FOXN3: variants seen among roughly 807,000 people sequenced by gnomAD.
The protein encoded by FOXN3 is forkhead box protein N3.
In FOXN3, 7 loss-of-function variants were observed where a neutral mutation model predicts 38.4. The observed-to-expected ratio is 0.18, with a 90% CI of 0.10 to 0.34. The LOEUF is 0.34. Among genes scored for constraint, FOXN3 ranks in the 10% least tolerant of loss-of-function variants. The pLI is 1.00. For missense variants in FOXN3, 456 were observed against 613.4 expected (o/e 0.74, Z 2.71); for synonymous variants, 230 against 242.2 (o/e 0.95, Z 0.47).
At chr14:89,561,166 C>A (rs1035545581) in intron 1 of FOXN3, among the ~76,000 whole-genome samples, 3 of 152,162 alleles carry the variant, frequency 2.0e-5, no homozygotes, top group Non-Finnish European at 4.4e-5. Context: ...TGAGGCCCCA[C>A]GGTGGCCTCG....
At chr14:89,252,343 T>C (rs949301819) in intron 4 of FOXN3, among the ~76,000 whole-genome samples, 7 of 152,120 alleles carry the variant, frequency 4.6e-5, no homozygotes, top group African/African-American at 1.7e-4. Flanking sequence ...AAAATTCGAA[T>C]TCATTGCAGT....
chr14:89,435,441 T>C (rs1450779151), intron 1 of FOXN3, among the ~76,000 whole-genome samples: 1 of 150,018 alleles, frequency 6.7e-6, no homozygotes, highest in Non-Finnish European at 1.5e-5. Context: ...CCAAGCTGTA[T>C]ACATGAGAGA....
At chr14:89,587,903 A>G (rs1376615846) in intron 1 of FOXN3, among the ~76,000 whole-genome samples, 1 of 151,202 alleles carries the variant, frequency 6.6e-6, no homozygotes, top group Admixed American at 6.6e-5. Context: ...CAGGAATCAT[A>G]ATTTTGGGTA....
chr14:89,278,377 C>CCCAT (rs2139913874), intron 4 of FOXN3, among the ~76,000 whole-genome samples: 1 of 152,162 alleles, frequency 6.6e-6, no homozygotes, highest in East Asian at 1.9e-4. Context: ...AGCTACAATT[C>CCCAT]AAGATGAGAT....
intron 5 of FOXN3, among the ~76,000 whole-genome samples, chr14:89,165,601 A>G (rs1887220767): frequency 6.6e-6 from 1 of 152,190 alleles, no homozygotes; most frequent in Non-Finnish European, 1.5e-5. Flanking sequence ...TTTTCTGCAG[A>G]CTTCCTATTT....
At chr14:89,174,874 C>G (rs1454223868) in intron 5 of FOXN3, among the ~76,000 whole-genome samples, 2 of 152,126 alleles carry the variant, frequency 1.3e-5, no homozygotes, top group Non-Finnish European at 2.9e-5. Flanking sequence ...TTTGTAATTG[C>G]CTTCAAAGAC....
intron 1 of FOXN3, among the ~76,000 whole-genome samples, chr14:89,606,243 T>G (rs1202833381): frequency 6.6e-6 from 1 of 152,170 alleles, no homozygotes; most frequent in Admixed American, 6.5e-5. Flanking sequence ...TAAAATAAGT[T>G]GAATTAGTAG....
rs576960751 is a variant in FOXN3 at position 89,592,123 on chromosome 14, C to T, written c.-15+26905G>A. Among the ~76,000 whole-genome samples, 3 of 151,956 alleles carry T rather than the reference C, an allele frequency of 2.0e-5. No individual in the cohort carries two copies. The South Asian group carries it at 6.2e-4, about 32-fold the overall frequency. Reference sequence around the variant, plus strand: ...AAAACATATGAAGGAAAAAGAATTCCATAGATGATTTGAAATTAAAGTGAT... The same window carrying T: ...AAAACATATGAAGGAAAAAGAATTCTATAGATGATTTGAAATTAAAGTGAT... On this transcript the variant is annotated intron_variant, in intron 1 of 6. Coordinates refer to the FOXN3 transcript ENST00000345097.
At chr14:89,354,543 TAAAA>T in intron 2 of FOXN3, among the ~76,000 whole-genome samples, 1 of 121,600 alleles carries the variant, frequency 8.2e-6, no homozygotes, top group South Asian at 2.9e-4. Flanking sequence ...TGCTTTTTAT[TAAAA>T]AAAAAAAAAA....
chr14:89,604,474 C>A (rs540772185), intron 1 of FOXN3, among the ~76,000 whole-genome samples: 1 of 152,252 alleles, frequency 6.6e-6, no homozygotes. Context: ...AGGGAAAAAA[C>A]TGAGTAAATT....
At chr14:89,239,030 G>A (rs2139863977) in intron 4 of FOXN3, among the ~76,000 whole-genome samples, 1 of 152,282 alleles carries the variant, frequency 6.6e-6, no homozygotes, top group Non-Finnish European at 1.5e-5. Context: ...AAAAGAGACT[G>A]CGAATGATCA....
chr14:89,501,983 T>C (rs560573290), intron 1 of FOXN3, among the ~76,000 whole-genome samples: 1 of 151,908 alleles, frequency 6.6e-6, no homozygotes, highest in Non-Finnish European at 1.5e-5. Flanking sequence ...CTGACCAACA[T>C]GGCGAAACCC....
chr14:89,347,936 G>C (rs960564250), intron 3 of FOXN3, among the ~76,000 whole-genome samples: 2 of 147,452 alleles, frequency 1.4e-5, no homozygotes, highest in Admixed American at 1.3e-4. Flanking sequence ...CCTGGAGAGA[G>C]AGCAAGACTC....
chr14:89,557,516 G>GCC (rs1030720637), intron 1 of FOXN3, among the ~76,000 whole-genome samples: 6 of 152,124 alleles, frequency 3.9e-5, no homozygotes, highest in Non-Finnish European at 8.8e-5. Flanking sequence ...CAGCCAGCCA[G>GCC]CCCCAGGAGC....
intron 1 of FOXN3, among the ~76,000 whole-genome samples, chr14:89,537,330 C>G (rs1894709226): frequency 6.6e-6 from 1 of 151,382 alleles, no homozygotes; most frequent in African/African-American, 2.4e-5. Flanking sequence ...CATGGAATGA[C>G]TGATGGATGC....
At chr14:89,475,187 A>C (rs1353072971) in intron 1 of FOXN3, among the ~76,000 whole-genome samples, 1 of 152,238 alleles carries the variant, frequency 6.6e-6, no homozygotes, top group East Asian at 1.9e-4. Flanking sequence ...ATTTATACAC[A>C]CCCATATATA....
At chr14:89,419,133 TTTC>T, upstream of FOXN3, 1 of 456,088 alleles carries the variant, frequency 2.2e-6, no homozygotes, top group South Asian at 1.5e-5. Flanking sequence ...CTCAAACATA[TTTC>T]TTAATTTCTC....
At position 89,304,684 on chromosome 14, in the gene FOXN3, T is replaced by C. The variant is rs562020635; in HGVS notation, c.681-23670A>G. Among the ~76,000 whole-genome samples the C allele has an allele frequency of 1.4e-4, 22 of 151,972 alleles. No homozygotes were observed. In the South Asian group the frequency reaches 4.0e-3, roughly 27 times the overall value. On this transcript the variant is annotated intron_variant, in intron 3 of 5. Transcript: ENST00000557258. Reference sequence around the variant, plus strand: ...GCCCAAAACTAAGGATAAAGCAGAGTATGGGCTTGGAAACCAGAGAAAACC... The same window carrying C: ...GCCCAAAACTAAGGATAAAGCAGAGCATGGGCTTGGAAACCAGAGAAAACC...
At chr14:89,376,771 T>C (rs978185736) in intron 2 of FOXN3, among the ~76,000 whole-genome samples, 6 of 151,982 alleles carry the variant, frequency 3.9e-5, no homozygotes, top group Non-Finnish European at 8.8e-5. Context: ...CCTAGCACTT[T>C]GGGAGGCTGA....
Sources: gnomAD v4.1 joint callset for allele counts (sites outside exome capture counted in the v4.1 genomes callset) on GRCh38, gnomAD v4.1.1 for gene constraint, MANE v1.5 for transcripts, NCBI Gene and HGNC (gene_info 2026-07-23, HGNC 2026-07-21) for gene names.